Variants in KNTC1 observed in about 807,000 individuals in gnomAD.
KNTC1 encodes kinetochore-associated protein 1.
KNTC1 carries 253 observed loss-of-function variants against 314.4 expected under a neutral mutation model. The observed-to-expected ratio is 0.80, with a 90% CI of 0.73 to 0.89. The LOEUF (loss-of-function observed/expected upper bound fraction) is 0.89. Ranked by LOEUF, KNTC1 falls within the 40% of genes least tolerant of loss-of-function variation. KNTC1 has a pLI of 0.00. For missense variants in KNTC1, 2,475 were observed against 2,572.9 expected (o/e 0.96, Z 0.82); for synonymous variants, 901 against 901.4 (o/e 1.00, Z 0.01).
At chr12:122,556,214 T>C (rs141947511) in intron 16 of KNTC1, among the ~76,000 whole-genome samples, 1,599 of 151,760 alleles carry the variant, frequency 0.011, 29 homozygotes, top group African/African-American at 0.037. Flanking sequence ...GACGGGGTTT[T>C]GCCATGTTGC....
chr12:122,561,836 T>A (rs530363908), intron 18 of KNTC1, 85 bp from the exon 19 acceptor site: 13 of 1,120,426 alleles, frequency 1.2e-5, no homozygotes, highest in Non-Finnish European at 1.7e-5. Flanking sequence ...TTAAAAAAAT[T>A]TTTTGTTATT....
intron 62 of KNTC1, 59 bp downstream of exon 62, chr12:122,622,666 A>G (rs747389537): frequency 8.7e-6 from 12 of 1,383,938 alleles, no homozygotes; most frequent in Non-Finnish European, 1.1e-5. Flanking sequence ...CTATCTTTAT[A>G]AGCTGGGCAC....
At position 122,534,755 on chromosome 12, in the gene KNTC1, G is replaced by T. The variant is rs1961651541; in HGVS notation, c.221G>T (p.Cys74Phe). The change falls in exon 3 of 64, where the codon TGT (cysteine) becomes TTT (phenylalanine). Residue 74 changes from cysteine (C) to phenylalanine (F), a missense_variant. Cys to Phe is a radical substitution (Grantham distance 205, BLOSUM62 -2). Coordinates refer to ENST00000333479, the MANE Select transcript of KNTC1 (RefSeq NM_014708.6). ...DQSVILLDSI[C>F]RSLQLHLVFD... Reference sequence around the variant, plus strand: ...TCAGTGATATTGCTTGACAGTATTTGTAGATCACTTCAATTGCATCTTGTC... The same window carrying T: ...TCAGTGATATTGCTTGACAGTATTTTTAGATCACTTCAATTGCATCTTGTC... 2.5e-6 allele frequency: 4 copies of T among 1,612,536 alleles called. No homozygotes were observed. The highest frequency in any genetic ancestry group is 3.4e-6 in the Non-Finnish European group (4 of 1,178,990).
chr12:122,603,271 T>C, intron 48 of KNTC1, 28 bp downstream of exon 48: 1 of 1,372,066 alleles, frequency 7.3e-7, no homozygotes, highest in Non-Finnish European at 9.8e-7. Flanking sequence ...AAAATTGTAG[T>C]TAAAAAAAAA....
chr12:122,577,629 CAAA>C, intron 30 of KNTC1, 40 bp from the exon 31 acceptor site: 1 of 1,575,070 alleles, frequency 6.3e-7, no homozygotes, highest in Non-Finnish European at 8.6e-7. Flanking sequence ...CCGTCCTTTG[CAAA>C]TACCAGCTGT....
In KNTC1 at chr12:122,624,560, GC is replaced by G. The variant is rs1442940098; in HGVS notation, c.6516-37del. The G allele has an allele frequency of 2.7e-6, 4 of 1,493,706 alleles. No homozygotes were observed. In the South Asian group the frequency reaches 3.4e-5, roughly 13 times the overall value. The allele number at this position is 1,493,706 out of a possible 1,614,324, so 92.5% of individuals were successfully genotyped here. A position where few individuals can be genotyped will look rare whatever the true frequency, so the allele number is the denominator to read the frequency against. On this transcript the variant is annotated intron_variant, in intron 62 of 63. Coordinates refer to ENST00000333479, the MANE Select transcript of KNTC1 (RefSeq NM_014708.6). ...CGGGATTGTAGGCACAAGGCACTGT[GC>G]TTGGCCTAACACTTCTTTTTCTTTT...
rs748350210 is a variant in KNTC1, at chr12:122,551,374, T to A, written c.1130+12T>A. 6.3e-7 allele frequency: 1 copy of A among 1,593,916 alleles called. No individual in the cohort carries two copies. Among genetic ancestry groups the A allele is most frequent in the Non-Finnish European group, 8.6e-7 (1 of 1,165,928 alleles). ...AAAAATGATCCAAAGTAGGTCATGT[T>A]TTACCGTGTTAAGTAATAGCTATGT... is the stretch of plus-strand genomic sequence containing the variant. On this transcript the variant is annotated intron_variant, in intron 14 of 63. Transcript: ENST00000333479.
chr12:122,531,623 T>C (rs1961332959), intron 2 of KNTC1, among the ~76,000 whole-genome samples: 1 of 152,224 alleles, frequency 6.6e-6, no homozygotes, highest in East Asian at 1.9e-4. Flanking sequence ...TCATTATTTA[T>C]TAGAGGCAAA....
intron 20 of KNTC1, among the ~76,000 whole-genome samples, chr12:122,563,508 G>A (rs138483950): frequency 0.015 from 2,307 of 152,050 alleles, 20 homozygotes; most frequent in Non-Finnish European, 0.027. Context: ...CAAGACACCC[G>A]CTAACCCACA....
chr12:122,541,103 G>A (rs1962271551), intron 5 of KNTC1, among the ~76,000 whole-genome samples: 1 of 152,018 alleles, frequency 6.6e-6, no homozygotes, highest in Non-Finnish European at 1.5e-5. Context: ...CCTGCAGTGA[G>A]CTGCGATCGC....
At chr12:122,549,115 G>A (rs1306119753) in intron 12 of KNTC1, among the ~76,000 whole-genome samples, 1 of 152,122 alleles carries the variant, frequency 6.6e-6, no homozygotes. Context: ...GTGTGTAGTG[G>A]TGCAATCTCG....
chr12:122,542,285 T>G (rs966454805), intron 6 of KNTC1, among the ~76,000 whole-genome samples, 158 bp downstream of exon 6: 15 of 152,238 alleles, frequency 9.9e-5, no homozygotes, highest in Non-Finnish European at 1.9e-4. Flanking sequence ...AATACAGTTA[T>G]TCTCCTCTGT....
chr12:122,606,678 T>C (rs1872621824), intron 51 of KNTC1, among the ~76,000 whole-genome samples: 1 of 152,124 alleles, frequency 6.6e-6, no homozygotes, highest in African/African-American at 2.4e-5. Flanking sequence ...TACACAAAAA[T>C]GCAAAAATAG....
At chr12:122,562,247 A>G (rs1349855453) in intron 19 of KNTC1, among the ~76,000 whole-genome samples, 1 of 152,226 alleles carries the variant, frequency 6.6e-6, no homozygotes, top group East Asian at 1.9e-4. Context: ...TGGTGCTAAA[A>G]TACATGTGTG....
At position 122,603,108 on chromosome 12, in the gene KNTC1, C is replaced by A. The variant is rs117543414; in HGVS notation, c.4966C>A (p.Gln1656Lys). The A allele has an allele frequency of 1.1e-3, 1,708 of 1,613,826 alleles. 3 individuals carry two copies. The highest frequency in any genetic ancestry group is 1.4e-3 in the Non-Finnish European group (1,616 of 1,179,830). The change falls in exon 48 of 64, where the codon CAA becomes AAA. Residue 1656 changes from glutamine (Q) to lysine (K), a missense_variant. Physicochemically the swap from Gln to Lys is moderately conservative, Grantham distance 53. Transcript: ENST00000333479. ...GAAGCCAAAGCTCCTGAAGTTAACACAAGCTAAATCCTCAACACTGATTAA... is the reference window on the plus strand; with the variant it reads ...GAAGCCAAAGCTCCTGAAGTTAACAAAAGCTAAATCCTCAACACTGATTAA... ...KLKPKLLKLTQAKSSTLINKE... is the reference protein window; with the variant it reads ...KLKPKLLKLTKAKSSTLINKE...
At chr12:122,541,287 G>GCCTGCCTT (rs758235054) in intron 5 of KNTC1, among the ~76,000 whole-genome samples, 2,591 of 120,908 alleles carry the variant, frequency 0.021, 53 homozygotes, top group Admixed American at 0.048. Context: ...CTGCCTGCCT[G>GCCTGCCTT]CCTTCCTTCC....
At chr12:122,571,873 A>T (rs1043004753) in intron 24 of KNTC1, among the ~76,000 whole-genome samples, 1 of 151,690 alleles carries the variant, frequency 6.6e-6, no homozygotes, top group Non-Finnish European at 1.5e-5. Flanking sequence ...GGATTTCACC[A>T]TGTTGGTCAG....
intron 18 of KNTC1, among the ~76,000 whole-genome samples, chr12:122,559,777 G>C (rs1225679727): frequency 6.6e-6 from 1 of 152,142 alleles, no homozygotes; most frequent in East Asian, 1.9e-4. Flanking sequence ...GTTTCACCAT[G>C]TTGGTCAGGC....
At position 122,588,836 on chromosome 12, in the gene KNTC1, A is replaced by G; in HGVS notation, c.3999+20A>G. The stretch of plus-strand genomic sequence containing the variant: ...CACAAAGTAAGTATTTGTTCTGGGT[A>G]AAAATTTTGTTTGTTTTTTTTTTGC... On this transcript the variant is annotated intron_variant, in intron 40 of 63. Transcript: ENST00000333479. 1 of 1,474,492 alleles carries G rather than the reference A, an allele frequency of 6.8e-7. No individual in the cohort carries two copies. The highest frequency in any genetic ancestry group is 9.0e-7 in the Non-Finnish European group (1 of 1,106,754). The allele number at this position is 1,474,492 out of a possible 1,614,324, so 91.3% of individuals were successfully genotyped here.
Sources: gnomAD v4.1 joint callset for allele counts (sites outside exome capture counted in the v4.1 genomes callset) on GRCh38, gnomAD v4.1.1 for gene constraint, MANE v1.5 for transcripts, NCBI Gene and HGNC (gene_info 2026-07-23, HGNC 2026-07-21) for gene names.